Variants in SFXN5 observed in about 807,000 individuals in gnomAD.
SFXN5 encodes sideroflexin-5.
Under a neutral mutation model 50.2 loss-of-function variants are expected in SFXN5, and 43 were observed. The ratio of observed to expected loss-of-function variants is 0.86; its 90% CI spans 0.67 to 1.11. The LOEUF (loss-of-function observed/expected upper bound fraction) is 1.11, where lower values mean the gene tolerates loss of function less well. Among genes scored for constraint, SFXN5 ranks in the 50% least tolerant of loss-of-function variants. SFXN5 has a pLI of 0.00. For missense variants in SFXN5, 463 were observed against 454.1 expected (o/e 1.02, Z -0.18); for synonymous variants, 203 against 185.8 (o/e 1.09, Z -0.75).
At chr2:73,064,186 C>T (rs911385109) in intron 1 of SFXN5, among the ~76,000 whole-genome samples, 2 of 152,190 alleles carry the variant, frequency 1.3e-5, no homozygotes, top group African/African-American at 4.8e-5. Context: ...AAGCTGACAC[C>T]GCCCCGCAAC....
At chr2:72,988,545 G>A (rs1672191319) in intron 9 of SFXN5, among the ~76,000 whole-genome samples, 197 bp from the exon 10 acceptor site, 1 of 151,966 alleles carries the variant, frequency 6.6e-6, no homozygotes, top group Non-Finnish European at 1.5e-5. Context: ...CCACTGCCCA[G>A]TCATCCCAGG....
chr2:73,000,632 A>G, intron 7 of SFXN5, 145 bp from the exon 8 acceptor site: 2 of 754,364 alleles, frequency 2.7e-6, no homozygotes, highest in Non-Finnish European at 4.4e-6. Flanking sequence ...GCCGGTCAGC[A>G]TGACTGACCG....
chr2:73,045,536 C>CG (rs1369618363), intron 2 of SFXN5, among the ~76,000 whole-genome samples: 3 of 139,042 alleles, frequency 2.2e-5, no homozygotes, highest in African/African-American at 5.5e-5. Context: ...AAGACTGTGG[C>CG]GGGGGGTGGG....
intron 3 of SFXN5, among the ~76,000 whole-genome samples, chr2:73,030,401 G>A (rs775400323): frequency 3.3e-5 from 5 of 151,992 alleles, no homozygotes; most frequent in Non-Finnish European, 5.9e-5. Flanking sequence ...TTGTAGAAAC[G>A]GGATCTCGCT....
chr2:72,979,541 G>A (rs1028337564), intron 10 of SFXN5, among the ~76,000 whole-genome samples: 1 of 152,168 alleles, frequency 6.6e-6, no homozygotes, highest in Non-Finnish European at 1.5e-5. Context: ...GGCCAAGACA[G>A]AAGAATTGCT....
chr2:73,056,045 C>T (rs1396480489), intron 2 of SFXN5, among the ~76,000 whole-genome samples: 2 of 151,974 alleles, frequency 1.3e-5, no homozygotes, highest in Non-Finnish European at 2.9e-5. Flanking sequence ...GGCTGAGTCA[C>T]GAGAATCACT....
At chr2:72,968,577 G>C (rs1674755517) in intron 11 of SFXN5, 44 bp from the exon 12 acceptor site, 6 of 1,583,084 alleles carry the variant, frequency 3.8e-6, no homozygotes, top group Non-Finnish European at 5.2e-6. Context: ...CTGACAGCTG[G>C]TGACAGGACA....
chr2:72,978,256 T>G (rs1452767668), intron 10 of SFXN5, among the ~76,000 whole-genome samples: 1 of 151,732 alleles, frequency 6.6e-6, no homozygotes, highest in Non-Finnish European at 1.5e-5. Flanking sequence ...AATAAACCAG[T>G]TCAGATGAAC....
chr2:72,992,639 C>T lies in SFXN5; in HGVS notation c.535-4291G>A, dbSNP rs1672735190. On this transcript the variant is annotated intron_variant, in intron 9 of 13. Coordinates refer to ENST00000272433, the MANE Select transcript of SFXN5 (RefSeq NM_144579.3). This position sits in a 1 kb window ranked among gnomAD's most constrained non-coding sequence, Gnocchi z 4.5. ...CTGGGGCCCACGTGTAACCATGGCT[C>T]CCTGGTGCATCTCCCGGATGTCATG... Among the ~76,000 whole-genome samples the T allele has an allele frequency of 6.6e-6, 1 of 152,204 alleles. No homozygotes were observed. Among genetic ancestry groups the T allele is most frequent in the African/African-American group, 2.4e-5 (1 of 41,432 alleles).
At position 73,018,834 on chromosome 2, in the gene SFXN5, A is replaced by G. The variant is rs535315619; in HGVS notation, c.357+1405T>C. On this transcript the variant is annotated intron_variant, in intron 6 of 13. Transcript: ENST00000272433. ...ATCTTCAGCTTTATAAGAAACTGCA[A>G]TACAGTTTACACACCACCTGCTGCA... 4.6e-5 allele frequency among the ~76,000 whole-genome samples: 7 copies of G among 152,350 alleles called. No homozygotes were observed. In the South Asian group the frequency reaches 6.2e-4, roughly 14 times the overall value.
At chr2:73,055,539 C>T (rs963872252) in intron 2 of SFXN5, among the ~76,000 whole-genome samples, 7 of 151,928 alleles carry the variant, frequency 4.6e-5, no homozygotes, top group African/African-American at 7.3e-5. Context: ...CGGTGACTCC[C>T]GCCTATAATC....
intron 1 of SFXN5, among the ~76,000 whole-genome samples, chr2:73,068,087 CCT>C (rs1683301490): frequency 6.6e-6 from 1 of 152,178 alleles, no homozygotes; most frequent in South Asian, 2.1e-4. Context: ...CACCCTCCAC[CCT>C]CTTTCTGCCC....
chr2:73,006,443 G>A (rs977263227), intron 6 of SFXN5, among the ~76,000 whole-genome samples: 1 of 152,110 alleles, frequency 6.6e-6, no homozygotes, highest in Non-Finnish European at 1.5e-5. Flanking sequence ...CCAACGTGGC[G>A]AAACCCCATC....
At chr2:73,033,796 GT>G (rs1283955661) in intron 3 of SFXN5, among the ~76,000 whole-genome samples, 1 of 152,166 alleles carries the variant, frequency 6.6e-6, no homozygotes, top group African/African-American at 2.4e-5. Context: ...TAGAGCAGTG[GT>G]TCTCAACTAG....
chr2:73,007,120 GA>G (rs1342813853), intron 6 of SFXN5, among the ~76,000 whole-genome samples: 3 of 152,168 alleles, frequency 2.0e-5, no homozygotes, highest in Non-Finnish European at 4.4e-5. Context: ...AACAGCTGAA[GA>G]TAAAGGCAGG....
Position 73,061,287 on chromosome 2 carries a change from G to A in SFXN5, c.103-2691C>T, listed in dbSNP as rs570278099. Among the ~76,000 whole-genome samples the A allele has an allele frequency of 9.2e-5, 13 of 141,938 alleles. No individual in the cohort carries two copies. In the Middle Eastern group the frequency reaches 0.013, roughly 139 times the overall value. 93.1% of individuals were successfully genotyped at this position (141,938 alleles called of 152,430 possible). Reference sequence around the variant, plus strand: ...CGCGCCACTGCACTGCAGCCTAGGCGACAGAGCAAGACTCTGTCTCAAAAA... The same window carrying A: ...CGCGCCACTGCACTGCAGCCTAGGCAACAGAGCAAGACTCTGTCTCAAAAA... On this transcript the variant is annotated intron_variant, in intron 1 of 13. Transcript: ENST00000272433.
chr2:73,040,203 T>C (rs1445065708), intron 3 of SFXN5, among the ~76,000 whole-genome samples: 6 of 152,198 alleles, frequency 3.9e-5, no homozygotes, highest in Non-Finnish European at 8.8e-5. Context: ...GTTTTTGAAA[T>C]AAAGTTTATG....
chr2:72,961,011 A>G lies in SFXN5; in HGVS notation c.945+120T>C. ...GCCAGAGCCTGGGCCAGCCTCATTCACGGTTCCAGCCCCAGCGCCTAGCAT... is the reference window on the plus strand; with the variant it reads ...GCCAGAGCCTGGGCCAGCCTCATTCGCGGTTCCAGCCCCAGCGCCTAGCAT... On this transcript the variant is annotated intron_variant, in intron 13 of 13. Transcript: ENST00000272433. The surrounding 1 kb of genome is among the most constrained non-coding windows in gnomAD (Gnocchi z 4.4). 1 of 640,490 alleles carries G rather than the reference A, an allele frequency of 1.6e-6. No individual in the cohort carries two copies. The highest frequency in any genetic ancestry group is 2.4e-6 in the Non-Finnish European group (1 of 413,720). 39.7% of individuals were successfully genotyped at this position (640,490 alleles called of 1,614,324 possible). A position where few individuals can be genotyped will look rare whatever the true frequency, so the allele number is the denominator to read the frequency against.
intron 10 of SFXN5, among the ~76,000 whole-genome samples, chr2:72,972,343 G>T (rs1670109973): frequency 6.6e-6 from 1 of 151,950 alleles, no homozygotes; most frequent in African/African-American, 2.4e-5. Context: ...GAATACTCAG[G>T]GGGCAAGAGG....
Sources: gnomAD v4.1 joint callset for allele counts (sites outside exome capture counted in the v4.1 genomes callset) on GRCh38, gnomAD v4.1.1 for gene constraint, Gnocchi (gnomAD v3.1) non-coding constraint, MANE v1.5 for transcripts, NCBI Gene and HGNC (gene_info 2026-07-23, HGNC 2026-07-21) for gene names.